The following PTPRG variants were observed in gnomAD, a reference collection of about 807,000 sequenced individuals.
The protein encoded by PTPRG is receptor-type tyrosine-protein phosphatase gamma.
Under a neutral mutation model 165.3 loss-of-function variants are expected in PTPRG, and 102 were observed. The ratio of observed to expected loss-of-function variants is 0.62; its 90% confidence interval spans 0.53 to 0.73. PTPRG has a LOEUF of 0.73. Among genes scored for constraint, PTPRG ranks in the 30% least tolerant of loss-of-function variants. The pLI is 0.00. For missense variants in PTPRG, 1,866 were observed against 1,861.4 expected, an observed-to-expected ratio of 1.00 and a Z score of -0.05; for synonymous variants, 675 against 669.5, an observed-to-expected ratio of 1.01 and a Z score of -0.13.
intron 1 of PTPRG, among the ~76,000 whole-genome samples, chr3:61,607,987 T>G (rs1002965361): frequency 3.9e-5 from 6 of 152,128 alleles, no homozygotes; most frequent in Non-Finnish European, 1.5e-5. Context: ...ATCTTAAACT[T>G]TACCTAATTA....
intron 2 of PTPRG, among the ~76,000 whole-genome samples, chr3:61,965,778 T>C (rs2040257041): frequency 6.6e-6 from 1 of 152,240 alleles, no homozygotes; most frequent in Non-Finnish European, 1.5e-5. Flanking sequence ...GCAATTATTC[T>C]CATTTTGTAA....
chr3:62,221,744 G>C (rs1402993731), intron 13 of PTPRG, among the ~76,000 whole-genome samples: 1 of 152,184 alleles, frequency 6.6e-6, no homozygotes, highest in East Asian at 1.9e-4. Context: ...GCTCACTGTG[G>C]CAGCATTTTC....
intron 1 of PTPRG, among the ~76,000 whole-genome samples, chr3:61,614,856 CATT>C (rs1701261802): frequency 6.6e-6 from 1 of 152,194 alleles, no homozygotes; most frequent in Non-Finnish European, 1.5e-5. Context: ...TTAGCATCCT[CATT>C]ATTATGTCTG....
chr3:61,696,879 A>G (rs1275615457), intron 1 of PTPRG, among the ~76,000 whole-genome samples: 2 of 152,206 alleles, frequency 1.3e-5, no homozygotes, highest in Non-Finnish European at 2.9e-5. Flanking sequence ...TTCTCCACTG[A>G]TAACGGTCTT....
At chr3:62,183,296 G>T (rs560003323) in intron 8 of PTPRG, among the ~76,000 whole-genome samples, 1 of 152,324 alleles carries the variant, frequency 6.6e-6, no homozygotes, top group African/African-American at 2.4e-5. Flanking sequence ...CGGGCGCGGG[G>T]CTCATGCCTG....
chr3:62,276,000 T>G (rs1274242342), intron 24 of PTPRG, 34 bp downstream of exon 24: 2 of 1,485,812 alleles, frequency 1.3e-6, no homozygotes, highest in Admixed American at 1.7e-5. Flanking sequence ...AGTGATCTTT[T>G]ATACTGGATT....
intron 5 of PTPRG, among the ~76,000 whole-genome samples, chr3:62,095,286 C>G (rs530959033): frequency 6.6e-6 from 1 of 152,284 alleles, no homozygotes; most frequent in African/African-American, 2.4e-5. Flanking sequence ...CCCATGTGAC[C>G]TTCAGTGAGG....
At position 62,293,225 on chromosome 3, in the gene PTPRG, G is replaced by C. The variant is rs1559777361; in HGVS notation, c.4256G>C (p.Gly1419Ala). The change falls in exon 30 of 30, where the codon GGT (glycine) becomes GCT (alanine). Residue 1419 changes from glycine (G) to alanine (A), a missense_variant. Transcript: ENST00000474889. ...SLVSTKENGN[G>A]PMTVDKNGAV... ...GTCAGCACTAAAGAAAATGGAAATG[G>C]TCCCATGACAGTAGACAAAAATGGT... 2 of 1,611,708 alleles carry C rather than the reference G, an allele frequency of 1.2e-6. No individual in the cohort carries two copies. Among genetic ancestry groups the C allele is most frequent in the Non-Finnish European group, 1.7e-6 (2 of 1,179,028 alleles).
chr3:61,787,895 G>A (rs979207295), intron 2 of PTPRG, among the ~76,000 whole-genome samples: 2 of 152,136 alleles, frequency 1.3e-5, no homozygotes, highest in African/African-American at 4.8e-5. Context: ...CTGAAATTAG[G>A]CCATTTATTC....
At chr3:61,694,292 T>C (rs1423481640) in intron 1 of PTPRG, among the ~76,000 whole-genome samples, 1 of 152,170 alleles carries the variant, frequency 6.6e-6, no homozygotes, top group African/African-American at 2.4e-5. Flanking sequence ...CTTGGGTCTT[T>C]TAAAGACATT....
intron 5 of PTPRG, among the ~76,000 whole-genome samples, chr3:62,129,100 A>G (rs901240064): frequency 2.0e-5 from 3 of 152,150 alleles, no homozygotes; most frequent in Non-Finnish European, 4.4e-5. Flanking sequence ...TGGGAGCTGA[A>G]TGGATGTTGT....
In PTPRG at chr3:62,127,644, G is replaced by A. The variant is rs75985031; in HGVS notation, c.616-4958G>A. Among the ~76,000 whole-genome samples the A allele has an allele frequency of 5.5e-3, 837 of 152,270 alleles. 6 individuals are homozygous for A. The highest frequency in any genetic ancestry group is 0.015 in the African/African-American group (604 of 41,558). ...TTATGGAACTAAAGGAGCAGCTGGCGGTGTCGGATTCAAGGCAAGTAGGTT... is the reference window on the plus strand; with the variant it reads ...TTATGGAACTAAAGGAGCAGCTGGCAGTGTCGGATTCAAGGCAAGTAGGTT... On this transcript the variant is annotated intron_variant, in intron 5 of 29. Transcript: ENST00000474889.
At chr3:62,060,212 A>C (rs969584307) in intron 4 of PTPRG, among the ~76,000 whole-genome samples, 1 of 13,948 alleles carries the variant, frequency 7.2e-5, no homozygotes, top group African/African-American at 2.3e-4. Flanking sequence ...ACCCTGTCTC[A>C]AAAAAAAAAA....
At chr3:62,232,766 C>T (rs1172631766) in intron 14 of PTPRG, among the ~76,000 whole-genome samples, 1 of 152,222 alleles carries the variant, frequency 6.6e-6, no homozygotes, top group Non-Finnish European at 1.5e-5. Flanking sequence ...GAAGGAAGCA[C>T]AATCAGTTTC....
At chr3:61,796,027 C>T (rs1394655290) in intron 2 of PTPRG, among the ~76,000 whole-genome samples, 1 of 152,204 alleles carries the variant, frequency 6.6e-6, no homozygotes, top group Non-Finnish European at 1.5e-5. Context: ...ATTTGTAGCT[C>T]AGGCCCTCAA....
In PTPRG at chr3:61,710,984, A is replaced by C. The variant is rs757310637; in HGVS notation, c.86-37894A>C. 3.3e-4 allele frequency among the ~76,000 whole-genome samples: 50 copies of C among 150,620 alleles called. 1 individual carries two copies. The highest frequency in any genetic ancestry group is 5.6e-4 in the Non-Finnish European group (38 of 67,800). On this transcript the variant is annotated intron_variant, in intron 1 of 29. Transcript: ENST00000474889. ...CCCCTCCCTGTGTCCATGTCTTCTCACTGTTCAACTCCCACTTATGACTCA... is the reference window on the plus strand; with the variant it reads ...CCCCTCCCTGTGTCCATGTCTTCTCCCTGTTCAACTCCCACTTATGACTCA...
chr3:61,837,025 C>G (rs892256607), intron 2 of PTPRG, among the ~76,000 whole-genome samples: 2 of 152,152 alleles, frequency 1.3e-5, no homozygotes, highest in African/African-American at 2.4e-5. Context: ...ATTCTCCTGT[C>G]TCACCCCCCA....
intron 2 of PTPRG, among the ~76,000 whole-genome samples, chr3:61,882,807 A>G (rs1346100915): frequency 6.6e-6 from 1 of 152,202 alleles, no homozygotes; most frequent in African/African-American, 2.4e-5. Context: ...GACTAGACCC[A>G]CAGGAGGTAT....
chr3:61,666,156 C>T (rs578201439), intron 1 of PTPRG, among the ~76,000 whole-genome samples: 1 of 152,218 alleles, frequency 6.6e-6, no homozygotes, highest in South Asian at 2.1e-4. Flanking sequence ...TAATAAACTC[C>T]CAGATGCTCG....
Sources: gnomAD v4.1 joint callset for allele counts (sites outside exome capture counted in the v4.1 genomes callset) on GRCh38, gnomAD v4.1.1 for gene constraint, MANE v1.5 for transcripts, NCBI Gene and HGNC (gene_info 2026-07-23, HGNC 2026-07-21) for gene names.